The following ENOPH1 variants were observed in gnomAD, a reference collection of about 807,000 sequenced individuals.
ENOPH1 encodes enolase-phosphatase 1.
Under a neutral mutation model 31.1 loss-of-function variants are expected in ENOPH1, and 14 were observed. The observed-to-expected ratio is 0.45, with a 90% CI of 0.30 to 0.70. The LOEUF (loss-of-function observed/expected upper bound fraction) is 0.70. ENOPH1 is among the 30% of genes least tolerant of loss of function. The pLI is 0.09. For synonymous variants in ENOPH1, 127 were observed against 123.2 expected (o/e 1.03, Z -0.21); for missense variants, 243 against 321.5 (o/e 0.76, Z 1.87).
intron 1 of ENOPH1, among the ~76,000 whole-genome samples, chr4:82,440,789 C>G (rs984885193): frequency 6.6e-6 from 1 of 152,182 alleles, no homozygotes; most frequent in African/African-American, 2.4e-5. Flanking sequence ...ATGGGGCTAT[C>G]TTTTGTCTTA....
At chr4:82,457,482 C>G (rs1241375250) in intron 5 of ENOPH1, among the ~76,000 whole-genome samples, 1 of 152,170 alleles carries the variant, frequency 6.6e-6, no homozygotes. Context: ...CCACTGCACT[C>G]CAGCCTGGGT....
At chr4:82,448,885 C>T (rs1490376181) in intron 2 of ENOPH1, among the ~76,000 whole-genome samples, 8 of 150,620 alleles carry the variant, frequency 5.3e-5, no homozygotes, top group East Asian at 3.9e-4. Flanking sequence ...GGTGAAACCC[C>T]GTCTCTACTA....
At chr4:82,446,689 CTTTTTTTTTTTTTTTTT>C (rs1175624219) in intron 1 of ENOPH1, among the ~76,000 whole-genome samples, 1 of 67,512 alleles carries the variant, frequency 1.5e-5, no homozygotes, top group Non-Finnish European at 3.1e-5. Flanking sequence ...GTGACGGAAT[CTTTTTTTTTTTTTTTTT>C]TTTTTTTTTT....
At chr4:82,442,506 CGA>C (rs1231184863) in intron 1 of ENOPH1, among the ~76,000 whole-genome samples, 1 of 151,468 alleles carries the variant, frequency 6.6e-6, no homozygotes, top group Admixed American at 6.6e-5. Flanking sequence ...GGTGACAGAG[CGA>C]GACTCTGTCT....
intron 1 of ENOPH1, 130 bp downstream of exon 1, chr4:82,431,043 G>T (rs1721738201): frequency 1.3e-6 from 1 of 785,846 alleles, no homozygotes; most frequent in East Asian, 2.8e-5. Flanking sequence ...GTGTGGAATG[G>T]GGAGGAAGGA....
Position 82,460,162 on chromosome 4 carries a change from T to A in ENOPH1, c.*42T>A. ...CAGACCGCCCTGTTCCCCAGAGTTG[T>A]CCCTGTAGTGTCTAGGTTTATTCTA... On this transcript the variant is annotated 3_prime_UTR_variant, in exon 6 of 6. Transcript: ENST00000273920. 1 of 1,608,754 alleles carries A rather than the reference T, an allele frequency of 6.2e-7. No homozygotes were observed. Among genetic ancestry groups the A allele is most frequent in the Non-Finnish European group, 8.5e-7 (1 of 1,175,984 alleles).
intron 5 of ENOPH1, among the ~76,000 whole-genome samples, chr4:82,458,101 G>T (rs1239958786): frequency 6.6e-6 from 1 of 152,046 alleles, no homozygotes; most frequent in Non-Finnish European, 1.5e-5. Context: ...GTCATCGGCA[G>T]CTGGGATGAG....
intron 2 of ENOPH1, among the ~76,000 whole-genome samples, chr4:82,449,856 G>A (rs563980540): frequency 1.8e-4 from 28 of 152,116 alleles, no homozygotes; most frequent in African/African-American, 6.5e-4. Flanking sequence ...GCTCACTCTG[G>A]CCCAGCCCTC....
At chr4:82,445,317 G>A (rs1285947740) in intron 1 of ENOPH1, among the ~76,000 whole-genome samples, 1 of 152,186 alleles carries the variant, frequency 6.6e-6, no homozygotes, top group Non-Finnish European at 1.5e-5. Flanking sequence ...TTGTCTTACA[G>A]ATATTCTCAA....
intron 3 of ENOPH1, among the ~76,000 whole-genome samples, chr4:82,452,918 T>TC (rs35648829): frequency 0.12 from 17,235 of 144,570 alleles, 1,398 homozygotes; most frequent in African/African-American, 0.22. Context: ...TTTTTTTTTT[T>TC]TGAGACGGAG....
chr4:82,433,657 G>T (rs1477505356), intron 1 of ENOPH1, among the ~76,000 whole-genome samples: 1 of 152,120 alleles, frequency 6.6e-6, no homozygotes, highest in African/African-American at 2.4e-5. Flanking sequence ...TGCACTTTTG[G>T]GAAATGCTAG....
intron 1 of ENOPH1, among the ~76,000 whole-genome samples, chr4:82,436,376 C>T (rs1028294925): frequency 3.9e-5 from 6 of 152,050 alleles, no homozygotes; most frequent in Non-Finnish European, 8.8e-5. Context: ...CACTGTCTTG[C>T]GTATATCAAG....
chr4:82,456,794 G>A (rs1722501356), intron 4 of ENOPH1, 121 bp from the exon 5 acceptor site: 9 of 1,262,284 alleles, frequency 7.1e-6, no homozygotes, highest in Non-Finnish European at 9.8e-6. Flanking sequence ...TCCCTATTAA[G>A]TAGATTTTCA....
chr4:82,457,405 A>G (rs1038098343), intron 5 of ENOPH1, among the ~76,000 whole-genome samples: 3 of 152,082 alleles, frequency 2.0e-5, no homozygotes, highest in African/African-American at 7.2e-5. Flanking sequence ...TCCCAGCTGC[A>G]TGGGAGGCTG....
Position 82,454,863 on chromosome 4 carries a change from C to A in ENOPH1, c.522+9C>A. ...AGGGAGATATTCTTGAGGTAGGTTA[C>A]CTAGTTTACTTTGTTGTTTTGACGC... On this transcript the variant is annotated intron_variant, in intron 4 of 5. Coordinates refer to ENST00000273920, the MANE Select transcript of ENOPH1 (RefSeq NM_021204.5). The A allele has an allele frequency of 6.2e-7, 1 of 1,607,582 alleles. No homozygotes were observed. Among genetic ancestry groups the A allele is most frequent in the Non-Finnish European group, 8.5e-7 (1 of 1,178,190 alleles).
At chr4:82,454,604 C>A in intron 3 of ENOPH1, 118 bp from the exon 4 acceptor site, 3 of 1,117,266 alleles carry the variant, frequency 2.7e-6, no homozygotes, top group South Asian at 1.7e-5. Flanking sequence ...TCTCAGGGAG[C>A]TGCTTCTCAG....
intron 1 of ENOPH1, among the ~76,000 whole-genome samples, chr4:82,441,979 C>T (rs1208389793): frequency 1.3e-5 from 2 of 152,148 alleles, no homozygotes; most frequent in Admixed American, 1.3e-4. Flanking sequence ...AAAAGTGGCT[C>T]AGCACAAATG....
At position 82,460,289 on chromosome 4, in the gene ENOPH1, G is replaced by A. The variant is rs144330404; in HGVS notation, c.*169G>A. 0.012 allele frequency: 6,917 copies of A among 577,756 alleles called. 64 individuals carry two copies. The highest frequency in any genetic ancestry group is 0.014 in the Non-Finnish European group (4,930 of 345,914). 35.8% of individuals were successfully genotyped at this position (577,756 alleles called of 1,614,324 possible). On this transcript the variant is annotated 3_prime_UTR_variant, in exon 6 of 6. Coordinates refer to ENST00000273920, the MANE Select transcript of ENOPH1 (RefSeq NM_021204.5). ...AACTTCCATAGGTACATAAGTGAAA[G>A]AAGTCTCAGTTCAGTGAACACAAAA...
At chr4:82,450,010 C>G (rs754521909) in intron 2 of ENOPH1, among the ~76,000 whole-genome samples, 7 of 152,170 alleles carry the variant, frequency 4.6e-5, no homozygotes, top group Non-Finnish European at 8.8e-5. Flanking sequence ...AAAGATCTTA[C>G]ATGGTCTGCA....
Sources: allele counts gnomAD v4.1 joint callset (sites outside exome capture counted in the v4.1 genomes callset), GRCh38; gene constraint gnomAD v4.1.1; transcripts MANE v1.5; gene names NCBI Gene and HGNC (gene_info 2026-07-23, HGNC 2026-07-21).